STK3: variants seen among roughly 807,000 people sequenced by gnomAD.
STK3 encodes the protein serine/threonine-protein kinase 3.
STK3 carries 41 observed loss-of-function variants against 58.0 expected under a neutral mutation model. The observed-to-expected ratio is 0.71, with a 90% CI of 0.55 to 0.92. STK3 has a LOEUF of 0.92. Ranked by LOEUF, STK3 falls within the 40% of genes least tolerant of loss-of-function variation. The probability of loss-of-function intolerance (pLI) is 0.00; values close to 1 mark genes in which losing one functional copy is unlikely to be tolerated. For synonymous variants in STK3, 170 were observed against 191.0 expected (o/e 0.89, Z 0.91); for missense variants, 479 against 602.7 (o/e 0.79, Z 2.15).
At chr8:98,480,934 G>A (rs1821800113) in intron 10 of STK3, among the ~76,000 whole-genome samples, 1 of 152,100 alleles carries the variant, frequency 6.6e-6, no homozygotes, top group Admixed American at 6.5e-5. Flanking sequence ...AATGTTAAGT[G>A]TTTATTGTAC....
At chr8:98,734,710 C>T (rs1215147135) in intron 4 of STK3, among the ~76,000 whole-genome samples, 5 of 152,004 alleles carry the variant, frequency 3.3e-5, no homozygotes, top group South Asian at 2.1e-4. Flanking sequence ...AGATGTTTAA[C>T]GGCATTTAAT....
intron 3 of STK3, among the ~76,000 whole-genome samples, chr8:98,426,756 C>A (rs1818238925): frequency 6.6e-6 from 1 of 152,176 alleles, no homozygotes; most frequent in Non-Finnish European, 1.5e-5. Context: ...CAGCCCCCTG[C>A]CTGCGCCCTG....
downstream of STK3, among the ~76,000 whole-genome samples, chr8:98,453,879 A>C (rs1819314389): frequency 6.6e-6 from 1 of 152,192 alleles, no homozygotes; most frequent in Admixed American, 6.5e-5. Flanking sequence ...AAAAATAATT[A>C]GGAAAAGAAA....
At chr8:98,905,039 G>T in intron 1 of STK3, 4 of 920,694 alleles carry the variant, frequency 4.3e-6, no homozygotes. Flanking sequence ...TGTAATACCT[G>T]GATTCCCCAT....
intron 7 of STK3, among the ~76,000 whole-genome samples, chr8:98,582,488 T>G: frequency 6.6e-6 from 1 of 152,216 alleles, no homozygotes; most frequent in East Asian, 1.9e-4. Flanking sequence ...TTTCCATTTT[T>G]TGTTTTAGTT....
intron 4 of STK3, among the ~76,000 whole-genome samples, chr8:98,713,650 A>G (rs1826737748): frequency 6.6e-6 from 1 of 152,178 alleles, no homozygotes. Flanking sequence ...TTACCAACCA[A>G]AAAAACTCCA....
intron 6 of STK3, chr8:98,598,097 A>C (rs1475404510): frequency 3.0e-6 from 3 of 985,228 alleles, no homozygotes; most frequent in Non-Finnish European, 2.4e-6. Flanking sequence ...ATATAGACTG[A>C]CCTCAAACTG....
intron 3 of STK3, among the ~76,000 whole-genome samples, chr8:98,860,307 G>A (rs984798126): frequency 1.2e-4 from 19 of 152,216 alleles, no homozygotes; most frequent in African/African-American, 4.6e-4. Flanking sequence ...TATGGAATCA[G>A]AACAAGTCTC....
chr8:98,361,701 T>C, the STK3 span, among the ~76,000 whole-genome samples: 1 of 152,206 alleles, frequency 6.6e-6, no homozygotes, highest in East Asian at 1.9e-4. Flanking sequence ...GCGTACCTTG[T>C]ATAAATGGCA....
intron 7 of STK3, among the ~76,000 whole-genome samples, chr8:98,585,786 T>C (rs1416325539): frequency 6.6e-6 from 1 of 152,146 alleles, no homozygotes; most frequent in Non-Finnish European, 1.5e-5. Context: ...CAGGGGTTTG[T>C]AGTTCTCCTT....
intron 3 of STK3, among the ~76,000 whole-genome samples, chr8:98,420,947 G>A (rs149360561): frequency 6.6e-6 from 1 of 152,228 alleles, no homozygotes; most frequent in Non-Finnish European, 1.5e-5. Flanking sequence ...ATGAGGCATA[G>A]AGAGAGTAAA....
At chr8:98,651,629 T>C (rs1294844988) in intron 6 of STK3, 4 of 151,948 alleles carry the variant, frequency 2.6e-5, no homozygotes, top group Non-Finnish European at 5.9e-5. Flanking sequence ...GAATAACCAA[T>C]ATAGAGAAGT....
intron 1 of STK3, among the ~76,000 whole-genome samples, chr8:98,383,471 C>A (rs897222068): frequency 1.3e-5 from 2 of 152,214 alleles, no homozygotes; most frequent in Non-Finnish European, 2.9e-5. Flanking sequence ...GCTGCTCCAA[C>A]CTTCGAGCTG....
intron 3 of STK3, among the ~76,000 whole-genome samples, chr8:98,832,079 G>A (rs912220445): frequency 6.6e-6 from 1 of 151,978 alleles, no homozygotes; most frequent in Non-Finnish European, 1.5e-5. Flanking sequence ...ATTTGGAGTG[G>A]AGAGCTTTAT....
At chr8:98,613,996 A>G (rs1405896866) in intron 6 of STK3, among the ~76,000 whole-genome samples, 1 of 152,202 alleles carries the variant, frequency 6.6e-6, no homozygotes, top group East Asian at 1.9e-4. Flanking sequence ...AGAAAATATA[A>G]CAAGCACTAA....
chr8:98,921,257 A>C (rs1839547950), intron 1 of STK3: 2 of 149,086 alleles, frequency 1.3e-5, no homozygotes, highest in Non-Finnish European at 3.0e-5. Context: ...CTCAGACAAA[A>C]CCTTCAAAAA....
intron 7 of STK3, among the ~76,000 whole-genome samples, chr8:98,588,464 A>C (rs1292275701): frequency 1.3e-5 from 2 of 151,334 alleles, no homozygotes; most frequent in South Asian, 4.3e-4. Flanking sequence ...CTGCTGAGAG[A>C]TCCGCTGTTA....
chr8:98,795,828 A>C (rs1214274568), intron 1 of STK3, among the ~76,000 whole-genome samples: 2 of 151,662 alleles, frequency 1.3e-5, no homozygotes, highest in East Asian at 3.9e-4. Flanking sequence ...ATACAATACA[A>C]TACAATACAA....
chr8:98,666,616 T>C lies in STK3; in HGVS notation c.684+39851A>G, dbSNP rs191351344. ...AAAATTTTCCCATATAAATTTTCCTTTGGAGAACACAGGAATAAATCCCAT... is the reference window on the plus strand; with the variant it reads ...AAAATTTTCCCATATAAATTTTCCTCTGGAGAACACAGGAATAAATCCCAT... On this transcript the variant is annotated intron_variant, in intron 6 of 10. Transcript: ENST00000419617. Among the ~76,000 whole-genome samples, 246 of 152,306 alleles carry C rather than the reference T, an allele frequency of 1.6e-3. 1 individual carries two copies. Among genetic ancestry groups the C allele is most frequent in the African/African-American group, 5.6e-3 (231 of 41,582 alleles).
Sources: allele counts gnomAD v4.1 joint callset (sites outside exome capture counted in the v4.1 genomes callset), GRCh38; gene constraint gnomAD v4.1.1; transcripts MANE v1.5; gene names NCBI Gene and HGNC (gene_info 2026-07-23, HGNC 2026-07-21).